Variants in SLC24A4 observed in about 807,000 individuals in gnomAD.
The protein encoded by SLC24A4 is sodium/potassium/calcium exchanger 4.
Under a neutral mutation model 79.0 loss-of-function variants are expected in SLC24A4, and 53 were observed. The ratio of observed to expected loss-of-function variants is 0.67; its 90% CI spans 0.54 to 0.84. The LOEUF (loss-of-function observed/expected upper bound fraction) is 0.84. Among genes scored for constraint, SLC24A4 ranks in the 40% least tolerant of loss-of-function variants. SLC24A4 has a pLI of 0.00. For missense variants in SLC24A4, 731 were observed against 822.0 expected, an observed-to-expected ratio of 0.89 and a Z score of 1.35; for synonymous variants, 323 against 323.8, an observed-to-expected ratio of 1.00 and a Z score of 0.03.
In SLC24A4 at chr14:92,428,630, G is replaced by A. The variant is rs190239420; in HGVS notation, c.242-5282G>A. Among the ~76,000 whole-genome samples the A allele has an allele frequency of 1.0e-3, 153 of 152,314 alleles. 1 individual carries two copies. Among genetic ancestry groups the A allele is most frequent in the Middle Eastern group, 3.4e-3 (1 of 294 alleles). On this transcript the variant is annotated intron_variant, in intron 2 of 16. Coordinates refer to ENST00000532405, the MANE Select transcript of SLC24A4 (RefSeq NM_153646.4). ...GAGGAATGATGTTCAGTTGTCTGCC[G>A]GACATGTTAGGTCTTGAGCTCAGAG...
At chr14:92,443,357 G>T in intron 6 of SLC24A4, 43 bp from the exon 7 acceptor site, 1 of 1,605,992 alleles carries the variant, frequency 6.2e-7, no homozygotes, top group African/African-American at 1.3e-5. Context: ...CCCCCTCCCC[G>T]CTTCTGCGCT....
At chr14:92,487,999 C>T (rs1342514828) in intron 14 of SLC24A4, among the ~76,000 whole-genome samples, 8 of 149,992 alleles carry the variant, frequency 5.3e-5, no homozygotes, top group South Asian at 4.2e-4. Flanking sequence ...CTCCTCCTCT[C>T]GCTCCTCCTC....
chr14:92,465,171 A>C (rs1015881497), intron 12 of SLC24A4, among the ~76,000 whole-genome samples: 3 of 152,248 alleles, frequency 2.0e-5, no homozygotes, highest in African/African-American at 7.2e-5. Flanking sequence ...CTTCAGAGGC[A>C]GGGCAATATG....
chr14:92,365,449 G>A (rs1887776540), intron 2 of SLC24A4, among the ~76,000 whole-genome samples: 1 of 152,198 alleles, frequency 6.6e-6, no homozygotes, highest in African/African-American at 2.4e-5. Flanking sequence ...GAGGGCTTAG[G>A]TGGACACCCC....
chr14:92,394,252 CT>C (rs1465431810), intron 2 of SLC24A4, among the ~76,000 whole-genome samples: 4 of 151,982 alleles, frequency 2.6e-5, no homozygotes, highest in Admixed American at 2.6e-4. Flanking sequence ...AATTAGAATG[CT>C]TTTCTTGGTT....
chr14:92,391,566 A>G lies in SLC24A4; in HGVS notation c.242-42346A>G, dbSNP rs1362612165. 3.3e-5 allele frequency among the ~76,000 whole-genome samples: 5 copies of G among 152,330 alleles called. No individual in the cohort carries two copies. The East Asian group carries it at 9.6e-4, about 29-fold the overall frequency. ...GTAGGTGCAGTTGATTGCAGTGGTCATGCTTGGAAAACATAGTATGTCCCA... is the reference window on the plus strand; with the variant it reads ...GTAGGTGCAGTTGATTGCAGTGGTCGTGCTTGGAAAACATAGTATGTCCCA... On this transcript the variant is annotated intron_variant, in intron 2 of 16. Transcript: ENST00000532405.
intron 3 of SLC24A4, among the ~76,000 whole-genome samples, chr14:92,436,480 A>G (rs1413194590): frequency 1.3e-5 from 2 of 152,182 alleles, no homozygotes; most frequent in East Asian, 3.8e-4. Flanking sequence ...TGCAACACCC[A>G]TTCTATGGCT....
chr14:92,463,994 T>C (rs530549006), intron 12 of SLC24A4, among the ~76,000 whole-genome samples: 5 of 152,378 alleles, frequency 3.3e-5, no homozygotes, highest in African/African-American at 1.2e-4. Flanking sequence ...TTCCTTTTTA[T>C]GGCTGAATAT....
chr14:92,419,196 C>G (rs1158157708), intron 2 of SLC24A4, among the ~76,000 whole-genome samples: 1 of 152,158 alleles, frequency 6.6e-6, no homozygotes, highest in East Asian at 1.9e-4. Flanking sequence ...CCAAGTTGGG[C>G]ATAGAACTCA....
chr14:92,393,576 C>T (rs145376993), intron 2 of SLC24A4, among the ~76,000 whole-genome samples: 2,518 of 134,704 alleles, frequency 0.019, 110 homozygotes, highest in African/African-American at 0.064. Flanking sequence ...TACGGAGTCT[C>T]GCTCTGTCGC....
intron 2 of SLC24A4, among the ~76,000 whole-genome samples, chr14:92,424,881 C>CA (rs1555368469): frequency 3.8e-5 from 3 of 78,904 alleles, no homozygotes; most frequent in Middle Eastern, 5.2e-3. Context: ...GACTCCGTCT[C>CA]AAAAAAACAA....
chr14:92,448,440 G>A (rs1566775028), intron 9 of SLC24A4, among the ~76,000 whole-genome samples: 2 of 148,866 alleles, frequency 1.3e-5, no homozygotes, highest in African/African-American at 2.5e-5. Context: ...ACCGCGATAC[G>A]TAATTAAAAA....
rs1006741067 is a variant in SLC24A4, at chr14:92,454,057, C to G, written c.1038C>G (p.Ile346Met). Residue 346 changes from isoleucine to methionine, a missense_variant, in exon 11 of 17, where the codon ATC (isoleucine) becomes ATG (methionine). Ile to Met is a conservative substitution (Grantham distance 10). Transcript: ENST00000532405. Reference sequence around the variant, plus strand: ...CCCGACTACGGATGGCCAGCAGGATCATCATTAATGAGGTGAGTTTGCTTG... The same window carrying G: ...CCCGACTACGGATGGCCAGCAGGATGATCATTAATGAGGTGAGTTTGCTTG... The part of the protein sequence containing the change: ...PRTRLRMASR[I>M]IINERQRLIN... The G allele has an allele frequency of 1.2e-6, 2 of 1,612,846 alleles. No homozygotes were observed. Among genetic ancestry groups the G allele is most frequent in the Admixed American group, 1.7e-5 (1 of 59,860 alleles).
At chr14:92,429,802 A>G (rs1423164000) in intron 2 of SLC24A4, among the ~76,000 whole-genome samples, 1 of 152,222 alleles carries the variant, frequency 6.6e-6, no homozygotes. Flanking sequence ...TTAGTCTCTC[A>G]GAGCCTCCAC....
intron 13 of SLC24A4, 38 bp downstream of exon 13, chr14:92,482,884 C>A (rs761925953): frequency 1.8e-5 from 28 of 1,574,028 alleles, no homozygotes; most frequent in Non-Finnish European, 2.4e-5. Context: ...GTGTGCACAG[C>A]CAGGGAGAGG....
At chr14:92,489,101 TAAC>T (rs1320499286) in intron 14 of SLC24A4, among the ~76,000 whole-genome samples, 1 of 151,918 alleles carries the variant, frequency 6.6e-6, no homozygotes, top group East Asian at 1.9e-4. Context: ...GTCCTCAGGG[TAAC>T]ATTGATATGA....
At chr14:92,448,967 T>C in intron 9 of SLC24A4, 107 bp from the exon 10 acceptor site, 4 of 1,398,178 alleles carry the variant, frequency 2.9e-6, no homozygotes, top group Non-Finnish European at 4.0e-6. Flanking sequence ...CACCCACCAC[T>C]CCTGGGCTGT....
At position 92,492,254 on chromosome 14, in the gene SLC24A4, A is replaced by G. The variant is rs1284613638; in HGVS notation, c.1716+14A>G. 2.5e-6 allele frequency: 4 copies of G among 1,612,988 alleles called. No homozygotes were observed. The highest frequency in any genetic ancestry group is 2.7e-5 in the African/African-American group (2 of 74,880). Reference sequence around the variant, plus strand: ...GTCGCTCTCACCGTGAGTCTTTACAATTCCAAAACAGATGCCTCATGCATA... The same window carrying G: ...GTCGCTCTCACCGTGAGTCTTTACAGTTCCAAAACAGATGCCTCATGCATA... On this transcript the variant is annotated intron_variant, in intron 16 of 16. Transcript: ENST00000532405.
At chr14:92,369,953 T>G (rs1217208881) in intron 2 of SLC24A4, among the ~76,000 whole-genome samples, 2 of 152,246 alleles carry the variant, frequency 1.3e-5, no homozygotes, top group African/African-American at 4.8e-5. Flanking sequence ...GATTTAGGGT[T>G]GAATTACATA....
Sources: gnomAD v4.1 joint callset for allele counts (sites outside exome capture counted in the v4.1 genomes callset) on GRCh38, gnomAD v4.1.1 for gene constraint, MANE v1.5 for transcripts, NCBI Gene and HGNC (gene_info 2026-07-23, HGNC 2026-07-21) for gene names.